ZFAT: variants seen among roughly 807,000 people sequenced by gnomAD.
The protein encoded by ZFAT is zinc finger and AT-hook domain containing.
Under a neutral mutation model 117.7 loss-of-function variants are expected in ZFAT, and 64 were observed. The ratio of observed to expected loss-of-function variants is 0.54; its 90% CI spans 0.44 to 0.67. ZFAT has a LOEUF of 0.67. ZFAT is among the 30% of genes least tolerant of loss of function. The pLI is 0.00. For missense variants in ZFAT, 1,433 were observed against 1,584.5 expected (o/e 0.90, Z 1.62); for synonymous variants, 679 against 615.0 (o/e 1.10, Z -1.54).
At chr8:134,523,110 C>G (rs780807786) in intron 12 of ZFAT, among the ~76,000 whole-genome samples, 1 of 152,186 alleles carries the variant, frequency 6.6e-6, no homozygotes, top group African/African-American at 2.4e-5. Flanking sequence ...ATTCCTCCAT[C>G]ATCCTGAAGT....
chr8:134,493,523 T>C (rs987008271), intron 15 of ZFAT, among the ~76,000 whole-genome samples: 3 of 152,240 alleles, frequency 2.0e-5, no homozygotes, highest in African/African-American at 7.2e-5. Flanking sequence ...AGTCTAGGCA[T>C]TGCTTAGTTT....
At chr8:134,579,155 G>T (rs1825539467) in intron 10 of ZFAT, among the ~76,000 whole-genome samples, 1 of 152,176 alleles carries the variant, frequency 6.6e-6, no homozygotes, top group Admixed American at 6.5e-5. Flanking sequence ...GGGCCAGGTG[G>T]GCATCCAAAT....
chr8:134,566,023 TG>T (rs1180988956), intron 10 of ZFAT, among the ~76,000 whole-genome samples: 1 of 151,976 alleles, frequency 6.6e-6, no homozygotes, highest in Non-Finnish European at 1.5e-5. Flanking sequence ...CTCCTAACTC[TG>T]TTTGGAGTGC....
chr8:134,630,274 T>C (rs115923477), intron 3 of ZFAT, among the ~76,000 whole-genome samples: 354 of 152,104 alleles, frequency 2.3e-3, no homozygotes, highest in African/African-American at 8.1e-3. Flanking sequence ...AAAATGAGGG[T>C]TTACAGGCAG....
intron 10 of ZFAT, among the ~76,000 whole-genome samples, chr8:134,575,571 C>G (rs1232720113): frequency 6.7e-6 from 1 of 149,932 alleles, no homozygotes; most frequent in South Asian, 2.1e-4. Flanking sequence ...TGATCTAGGT[C>G]GCTAACTTTG....
chr8:134,761,562 T>C, the ZFAT span, among the ~76,000 whole-genome samples: 1 of 151,294 alleles, frequency 6.6e-6, no homozygotes, highest in Admixed American at 6.6e-5. Context: ...TAACTAGGCA[T>C]GGTGGCAAAT....
At chr8:134,480,088 A>T (rs1249797266) in intron 15 of ZFAT, among the ~76,000 whole-genome samples, 1 of 151,934 alleles carries the variant, frequency 6.6e-6, no homozygotes, top group Non-Finnish European at 1.5e-5. Context: ...CAGCCTCCCA[A>T]GTAGCTGGTA....
the ZFAT span, among the ~76,000 whole-genome samples, chr8:134,764,143 G>A: frequency 0.025 from 3,824 of 152,278 alleles, 146 homozygotes; most frequent in African/African-American, 0.087. Flanking sequence ...GCAAAGAATG[G>A]CTGAGAAAAT....
At chr8:134,658,888 G>A (rs1226126677) in intron 1 of ZFAT, among the ~76,000 whole-genome samples, 2 of 152,208 alleles carry the variant, frequency 1.3e-5, no homozygotes, top group Non-Finnish European at 2.9e-5. Context: ...GGAATCCATA[G>A]GAACTTTGGG....
chr8:134,803,715 T>C, the ZFAT span, among the ~76,000 whole-genome samples: 16 of 152,328 alleles, frequency 1.1e-4, no homozygotes, highest in South Asian at 3.3e-3. Flanking sequence ...CAGTAGACAC[T>C]GCTGCAATAA....
chr8:134,505,729 G>A (rs114356891), intron 15 of ZFAT, among the ~76,000 whole-genome samples: 20 of 152,308 alleles, frequency 1.3e-4, no homozygotes, highest in African/African-American at 4.6e-4. Flanking sequence ...GCCCAAAAAG[G>A]CAAGAAAGGA....
At chr8:134,608,458 T>G (rs10112207) in intron 5 of ZFAT, among the ~76,000 whole-genome samples, 89,335 of 152,004 alleles carry the variant, frequency 0.59, 27,163 homozygotes, top group East Asian at 0.89. Flanking sequence ...TAAAAAATAG[T>G]TTTTCTTTAA....
intron 10 of ZFAT, 41 bp from the exon 11 acceptor site, chr8:134,565,462 A>G: frequency 1.9e-6 from 3 of 1,578,990 alleles, no homozygotes; most frequent in Non-Finnish European, 2.6e-6. Context: ...CGCCAGGCCA[A>G]CAGCTCCCAC....
rs547384022 is a variant in ZFAT at position 134,589,981 on chromosome 8, T to C, written c.2563+287A>G. Among the ~76,000 whole-genome samples, 135 of 152,274 alleles carry C rather than the reference T, an allele frequency of 8.9e-4. 1 individual carries two copies. Among genetic ancestry groups the C allele is most frequent in the African/African-American group, 3.2e-3 (133 of 41,556 alleles). On this transcript the variant is annotated intron_variant, in intron 8 of 15. Coordinates refer to ENST00000377838, the MANE Select transcript of ZFAT (RefSeq NM_020863.4). ...CTTATGACAACAGCCCTGCCTCATA[T>C]GCGACCCATCGAAAGGCATGCAAAG...
At chr8:134,542,121 G>GA (rs1822300822) in intron 11 of ZFAT, among the ~76,000 whole-genome samples, 1 of 152,078 alleles carries the variant, frequency 6.6e-6, no homozygotes, top group South Asian at 2.1e-4. Flanking sequence ...CACTGGACTC[G>GA]AACCATACTG....
the ZFAT span, among the ~76,000 whole-genome samples, chr8:134,774,288 C>T: frequency 3.9e-5 from 6 of 152,134 alleles, no homozygotes; most frequent in African/African-American, 9.7e-5. Context: ...TGAGACACTA[C>T]GCCTGGGCTT....
chr8:134,505,199 C>G (rs1014354057), intron 15 of ZFAT, among the ~76,000 whole-genome samples: 30 of 152,220 alleles, frequency 2.0e-4, no homozygotes, highest in Admixed American at 1.2e-3. Context: ...ACGTAAGCTT[C>G]TCGACCATAT....
intron 6 of ZFAT, 26 bp from the exon 7 acceptor site, chr8:134,600,694 C>T: frequency 6.6e-7 from 1 of 1,516,198 alleles, no homozygotes; most frequent in South Asian, 1.3e-5. Context: ...CACATGAGAA[C>T]AAGGAAGTTT....
At chr8:134,514,902 T>C (rs1406132700) in intron 13 of ZFAT, among the ~76,000 whole-genome samples, 2 of 152,212 alleles carry the variant, frequency 1.3e-5, no homozygotes, top group Non-Finnish European at 2.9e-5. Flanking sequence ...GGTGGTTTGC[T>C]GCACCCATCA....
Sources: allele counts gnomAD v4.1 joint callset (sites outside exome capture counted in the v4.1 genomes callset), GRCh38; gene constraint gnomAD v4.1.1; transcripts MANE v1.5; gene names NCBI Gene and HGNC (gene_info 2026-07-23, HGNC 2026-07-21).